YAP1: variants seen among roughly 807,000 people sequenced by gnomAD.
YAP1 encodes Yes1 associated transcriptional regulator.
In YAP1, 5 loss-of-function variants were observed where a neutral mutation model predicts 56.9. That is an observed-to-expected ratio of 0.09 (90% CI 0.05 to 0.18). The LOEUF (loss-of-function observed/expected upper bound fraction) is 0.18, where lower values mean the gene tolerates loss of function less well. YAP1 is among the 10% of genes least tolerant of loss of function. YAP1 has a pLI of 1.00. For synonymous variants in YAP1, 265 were observed against 248.1 expected (o/e 1.07, Z -0.64); for missense variants, 539 against 651.8 (o/e 0.83, Z 1.88).
At chr11:102,219,338 C>T (rs956665087) in intron 6 of YAP1, among the ~76,000 whole-genome samples, 61 of 151,994 alleles carry the variant, frequency 4.0e-4, no homozygotes, top group African/African-American at 1.4e-3. Context: ...AAAATAATTA[C>T]GATATTTTGT....
intron 4 of YAP1, among the ~76,000 whole-genome samples, chr11:102,191,494 A>G (rs1948278688): frequency 6.6e-6 from 1 of 152,118 alleles, no homozygotes; most frequent in African/African-American, 2.4e-5. Flanking sequence ...ATCTTTTGAT[A>G]CCTAGAATTT....
At chr11:102,196,011 A>G (rs1948554497) in intron 4 of YAP1, among the ~76,000 whole-genome samples, 2 of 152,204 alleles carry the variant, frequency 1.3e-5, no homozygotes, top group South Asian at 4.1e-4. Context: ...TCCCATTAGG[A>G]TGGCTAAAGT....
chr11:102,204,123 G>A (rs1384208156), intron 4 of YAP1, among the ~76,000 whole-genome samples: 2 of 151,276 alleles, frequency 1.3e-5, no homozygotes, highest in Non-Finnish European at 2.9e-5. Flanking sequence ...CTTGAGCCAG[G>A]TATGATGCTC....
intron 2 of YAP1, among the ~76,000 whole-genome samples, chr11:102,123,329 C>G (rs549354544): frequency 1.3e-5 from 2 of 152,286 alleles, no homozygotes; most frequent in African/African-American, 4.8e-5. Flanking sequence ...TTTTCCTGCT[C>G]TGTGCTAGAC....
chr11:102,210,647 ATT>A (rs1949356753), intron 6 of YAP1, among the ~76,000 whole-genome samples: 3 of 152,164 alleles, frequency 2.0e-5, no homozygotes, highest in Admixed American at 2.0e-4. Flanking sequence ...CTAATATACC[ATT>A]TGACTGTGAA....
At chr11:102,197,977 C>T (rs1948656490) in intron 4 of YAP1, among the ~76,000 whole-genome samples, 1 of 152,154 alleles carries the variant, frequency 6.6e-6, no homozygotes, top group Non-Finnish European at 1.5e-5. Context: ...GAACAGGATG[C>T]TTCTGGAGAG....
At chr11:102,132,373 GTTAA>G (rs1407779062) in intron 2 of YAP1, among the ~76,000 whole-genome samples, 2 of 152,180 alleles carry the variant, frequency 1.3e-5, no homozygotes, top group African/African-American at 2.4e-5. Context: ...GCTTGATGCT[GTTAA>G]TTAATTAATC....
At chr11:102,129,379 G>A (rs924616004) in intron 2 of YAP1, among the ~76,000 whole-genome samples, 2 of 152,056 alleles carry the variant, frequency 1.3e-5, no homozygotes, top group African/African-American at 2.4e-5. Context: ...CCAGCACTTT[G>A]GGAGGCTGAG....
At chr11:102,157,162 C>A (rs1486561807) in intron 2 of YAP1, among the ~76,000 whole-genome samples, 1 of 152,094 alleles carries the variant, frequency 6.6e-6, no homozygotes, top group Non-Finnish European at 1.5e-5. Flanking sequence ...AGTGCAGAAA[C>A]CATATTATCA....
rs751339753 is a variant in YAP1 at position 102,112,425 on chromosome 11, CTTTTTTT to C, written c.321+1271_321+1277del. On this transcript the variant is annotated intron_variant, in intron 1 of 8. Transcript: ENST00000282441. ...TTTTCTTTCTTTTTTATTTCTTCTT[CTTTTTTT>C]TTTTTTTTTTTTTTGAGAACTTGCT... is the stretch of plus-strand genomic sequence containing the variant. The C allele has an allele frequency of 1.8e-3, 1,529 of 827,350 alleles. 12 individuals are homozygous for C. The African/African-American group carries it at 0.035, about 19-fold the overall frequency. The allele number at this position is 827,350 out of a possible 1,614,324, so 51.3% of individuals were successfully genotyped here. A position where few individuals can be genotyped will look rare whatever the true frequency, so the allele number is the denominator to read the frequency against.
chr11:102,117,737 G>A (rs1943378640), intron 2 of YAP1, among the ~76,000 whole-genome samples: 1 of 152,204 alleles, frequency 6.6e-6, no homozygotes, highest in South Asian at 2.1e-4. Context: ...TTGTTTTCAA[G>A]CTCTGGGATG....
chr11:102,139,916 G>A (rs1944909171), intron 2 of YAP1, among the ~76,000 whole-genome samples: 1 of 152,022 alleles, frequency 6.6e-6, no homozygotes, highest in Non-Finnish European at 1.5e-5. Context: ...GCCTAATTGT[G>A]TTTTTTATCA....
rs986681802 is a variant in YAP1 at position 102,156,388 on chromosome 11, A to C, written c.573-6068A>C. On this transcript the variant is annotated intron_variant, in intron 2 of 8. Coordinates refer to ENST00000282441, the MANE Select transcript of YAP1 (RefSeq NM_001130145.3). ...TTCATAAAAATACCCAGGTGCTAAT[A>C]AGTCTGCCCTGCTAATTTTGATGCA... is the stretch of plus-strand genomic sequence containing the variant. Among the ~76,000 whole-genome samples the C allele has an allele frequency of 2.0e-5, 3 of 152,198 alleles. No individual in the cohort carries two copies. The East Asian group carries it at 5.8e-4, about 29-fold the overall frequency.
At chr11:102,165,013 A>G (rs150398647) in intron 3 of YAP1, among the ~76,000 whole-genome samples, 1,530 of 152,188 alleles carry the variant, frequency 0.01, 13 homozygotes, top group Non-Finnish European at 0.013. Flanking sequence ...ATGAGCCACC[A>G]TGTCCAGCCG....
intron 6 of YAP1, among the ~76,000 whole-genome samples, chr11:102,211,775 C>T (rs571812024): frequency 6.6e-6 from 1 of 152,106 alleles, no homozygotes; most frequent in East Asian, 1.9e-4. Context: ...GCAATCTCAG[C>T]TCACTGCAAC....
chr11:102,229,109 G>A (rs1216774427), intron 8 of YAP1, among the ~76,000 whole-genome samples: 1 of 152,170 alleles, frequency 6.6e-6, no homozygotes, highest in Non-Finnish European at 1.5e-5. Flanking sequence ...GAGTGTTAAT[G>A]TTGTCATATG....
At chr11:102,178,483 T>C (rs925509386) in intron 3 of YAP1, among the ~76,000 whole-genome samples, 1 of 152,218 alleles carries the variant, frequency 6.6e-6, no homozygotes, top group Non-Finnish European at 1.5e-5. Context: ...TCATTACTAA[T>C]GCAAGAGGGT....
chr11:102,188,049 G>A (rs1948075365), intron 4 of YAP1, among the ~76,000 whole-genome samples: 1 of 152,176 alleles, frequency 6.6e-6, no homozygotes, highest in Admixed American at 6.5e-5. Flanking sequence ...AAAAACGTGT[G>A]GGTTTCTCTG....
At chr11:102,221,984 T>A (rs1340272705) in intron 6 of YAP1, among the ~76,000 whole-genome samples, 2 of 152,124 alleles carry the variant, frequency 1.3e-5, no homozygotes, top group African/African-American at 4.8e-5. Context: ...GTTCAGAGAC[T>A]CTCTGAATTC....
Sources: gnomAD v4.1 joint callset for allele counts (sites outside exome capture counted in the v4.1 genomes callset) on GRCh38, gnomAD v4.1.1 for gene constraint, MANE v1.5 for transcripts, NCBI Gene and HGNC (gene_info 2026-07-23, HGNC 2026-07-21) for gene names.